Variants in PLPP1 observed in about 807,000 individuals in gnomAD.
PLPP1 encodes lipid phosphate phosphohydrolase 1a.
A neutral mutation model predicts 31.2 loss-of-function variants in PLPP1; 24 were observed. That is an observed-to-expected ratio of 0.77 (90% CI 0.56 to 1.08). The LOEUF (loss-of-function observed/expected upper bound fraction) is 1.08. Among genes scored for constraint, PLPP1 ranks in the 50% least tolerant of loss-of-function variants. The pLI, the probability that PLPP1 is intolerant of heterozygous loss-of-function variation, is 0.00. For synonymous variants in PLPP1, 146 were observed against 126.3 expected (o/e 1.16, Z -1.05); for missense variants, 319 against 342.7 (o/e 0.93, Z 0.55).
At chr5:55,491,925 G>C (rs1484548613) in intron 1 of PLPP1, among the ~76,000 whole-genome samples, 1 of 143,238 alleles carries the variant, frequency 7.0e-6, no homozygotes, top group Admixed American at 6.9e-5. Context: ...AAAACCACAA[G>C]TATATATTCA....
At chr5:55,514,899 C>G (rs1022368987) in intron 1 of PLPP1, among the ~76,000 whole-genome samples, 1 of 152,164 alleles carries the variant, frequency 6.6e-6, no homozygotes, top group Admixed American at 6.5e-5. Context: ...TGAAACTACA[C>G]AATAAACAAC....
intron 1 of PLPP1, among the ~76,000 whole-genome samples, chr5:55,527,075 T>C (rs564759870): frequency 3.5e-4 from 54 of 152,168 alleles, no homozygotes; most frequent in African/African-American, 1.2e-3. Context: ...AAATGTGTAC[T>C]GAATATGAGT....
At chr5:55,522,671 T>A (rs1753695195) in intron 1 of PLPP1, among the ~76,000 whole-genome samples, 1 of 152,148 alleles carries the variant, frequency 6.6e-6, no homozygotes, top group Non-Finnish European at 1.5e-5. Flanking sequence ...TACAAAATAT[T>A]TAAGCCATCT....
rs183272702 is a variant in PLPP1, at chr5:55,427,187, G to A, written c.550-1148C>T. ...TCTGTTCAATAATATATGACTCGTA[G>A]ACTAAATTAAATGCAGTCCTTAGAA... On this transcript the variant is annotated intron_variant, in intron 4 of 5. Transcript: ENST00000307259. Among the ~76,000 whole-genome samples, 671 of 151,644 alleles carry A rather than the reference G, an allele frequency of 4.4e-3. 2 individuals are homozygous for A. Among genetic ancestry groups the A allele is most frequent in the Non-Finnish European group, 7.8e-3 (529 of 67,992 alleles).
rs116380966 is a variant in PLPP1, at chr5:55,478,021, A to G, written c.59-2571T>C. ...AGAAAGAAAGAAAGAAAATTCACAT[A>G]TAATAGGATTCGAGTCCAAAACTCA... On this transcript the variant is annotated intron_variant, in intron 1 of 5. Transcript: ENST00000307259. Among the ~76,000 whole-genome samples the G allele has an allele frequency of 4.4e-3, 675 of 151,996 alleles. 6 individuals carry two copies. Among genetic ancestry groups the G allele is most frequent in the African/African-American group, 0.015 (640 of 41,502 alleles).
chr5:55,511,928 CA>C (rs898272625), intron 1 of PLPP1, among the ~76,000 whole-genome samples: 1 of 151,382 alleles, frequency 6.6e-6, no homozygotes, highest in African/African-American at 2.4e-5. Context: ...CTCGGCCTCC[CA>C]AAGTGCTGGG....
chr5:55,466,477 C>T (rs975581456), intron 3 of PLPP1, among the ~76,000 whole-genome samples: 4 of 152,016 alleles, frequency 2.6e-5, no homozygotes, highest in Non-Finnish European at 5.9e-5. Context: ...CTGAGGCAGG[C>T]GGATCACCTG....
At chr5:55,474,005 T>G (rs796265207) in intron 2 of PLPP1, among the ~76,000 whole-genome samples, 4,974 of 150,642 alleles carry the variant, frequency 0.033, 313 homozygotes, top group African/African-American at 0.11. Flanking sequence ...TTGTTTTTTT[T>G]TTTTTTTTCC....
intron 4 of PLPP1, among the ~76,000 whole-genome samples, chr5:55,438,187 C>A (rs1357979165): frequency 1.4e-5 from 2 of 148,102 alleles, no homozygotes; most frequent in Non-Finnish European, 3.1e-5. Flanking sequence ...CAGACTCATA[C>A]CATGGCTGTT....
At chr5:55,517,006 T>G (rs768972431) in intron 1 of PLPP1, among the ~76,000 whole-genome samples, 5 of 152,276 alleles carry the variant, frequency 3.3e-5, no homozygotes, top group Non-Finnish European at 5.9e-5. Context: ...CACTAAAGTC[T>G]CCTATAATTC....
At chr5:55,498,106 G>C (rs987251139) in intron 1 of PLPP1, among the ~76,000 whole-genome samples, 3 of 152,088 alleles carry the variant, frequency 2.0e-5, no homozygotes, top group Non-Finnish European at 4.4e-5. Flanking sequence ...ATTCAAGATA[G>C]ATTAACAAAG....
At chr5:55,446,599 G>T (rs547957259) in intron 3 of PLPP1, among the ~76,000 whole-genome samples, 1 of 152,262 alleles carries the variant, frequency 6.6e-6, no homozygotes, top group South Asian at 2.1e-4. Flanking sequence ...AAGTCATTAG[G>T]ACTCTATCTG....
intron 1 of PLPP1, among the ~76,000 whole-genome samples, chr5:55,532,954 CAA>C (rs61144694): frequency 1.6e-3 from 191 of 121,300 alleles, no homozygotes; most frequent in South Asian, 1.9e-3. Flanking sequence ...AGACCGTCTC[CAA>C]AAAAAAAAAA....
chr5:55,467,107 C>A (rs1198281413), intron 3 of PLPP1, among the ~76,000 whole-genome samples: 1 of 152,032 alleles, frequency 6.6e-6, no homozygotes, highest in African/African-American at 2.4e-5. Context: ...AAGACAGCAA[C>A]CTGATGACCT....
At chr5:55,503,301 C>T (rs1053388485) in intron 1 of PLPP1, among the ~76,000 whole-genome samples, 1 of 152,140 alleles carries the variant, frequency 6.6e-6, no homozygotes, top group Non-Finnish European at 1.5e-5. Flanking sequence ...TTTTAAGTTG[C>T]ACTACATTAA....
chr5:55,517,617 C>G (rs1753580011), intron 1 of PLPP1, among the ~76,000 whole-genome samples: 1 of 152,170 alleles, frequency 6.6e-6, no homozygotes, highest in Non-Finnish European at 1.5e-5. Context: ...AATTAATTGA[C>G]CAACCTAAAG....
At chr5:55,470,853 G>A (rs577014925) in intron 2 of PLPP1, among the ~76,000 whole-genome samples, 3 of 152,262 alleles carry the variant, frequency 2.0e-5, no homozygotes, top group South Asian at 4.1e-4. Flanking sequence ...TCTGGGATAT[G>A]ATAAATTATC....
At chr5:55,512,725 C>CACACACACACACAT (rs1561253358) in intron 1 of PLPP1, among the ~76,000 whole-genome samples, 2 of 150,712 alleles carry the variant, frequency 1.3e-5, no homozygotes, top group Non-Finnish European at 3.0e-5. Flanking sequence ...TTATAAACTA[C>CACACACACACACAT]ACACACACAC....
chr5:55,480,756 A>G (rs1752652241), intron 1 of PLPP1, among the ~76,000 whole-genome samples: 1 of 152,182 alleles, frequency 6.6e-6, no homozygotes, highest in Admixed American at 6.5e-5. Flanking sequence ...ACATTCATAT[A>G]CAAGTATTTT....
Sources: gnomAD v4.1 joint callset for allele counts (sites outside exome capture counted in the v4.1 genomes callset) on GRCh38, gnomAD v4.1.1 for gene constraint, MANE v1.5 for transcripts, NCBI Gene and HGNC (gene_info 2026-07-23, HGNC 2026-07-21) for gene names.